The following CPEB4 variants were observed in gnomAD, a reference collection of about 807,000 sequenced individuals.
CPEB4 encodes cytoplasmic polyadenylation element-binding protein 4.
CPEB4 carries 12 observed loss-of-function variants against 72.5 expected under a neutral mutation model. The ratio of observed to expected loss-of-function variants is 0.17; its 90% CI spans 0.11 to 0.27. The LOEUF is 0.27. CPEB4 is among the 10% of genes least tolerant of loss of function. The probability of loss-of-function intolerance (pLI) is 1.00; values close to 1 mark genes in which losing one functional copy is unlikely to be tolerated. For missense variants in CPEB4, 614 were observed against 908.5 expected (o/e 0.68, Z 4.17); for synonymous variants, 302 against 326.3 (o/e 0.93, Z 0.80).
intron 1 of CPEB4, among the ~76,000 whole-genome samples, chr5:173,907,800 G>T (rs1756497036): frequency 1.3e-5 from 2 of 152,216 alleles, no homozygotes; most frequent in Admixed American, 6.5e-5. Flanking sequence ...GAGATCATCT[G>T]CCAGGAAGCT....
At chr5:173,911,272 T>G (rs1756647237) in intron 2 of CPEB4, among the ~76,000 whole-genome samples, 1 of 146,044 alleles carries the variant, frequency 6.8e-6, no homozygotes, top group Non-Finnish European at 1.5e-5. Flanking sequence ...CGGGCTTGCA[T>G]GTTTTTATTT....
intron 5 of CPEB4, among the ~76,000 whole-genome samples, 191 bp downstream of exon 5, chr5:173,945,331 C>A (rs556468821): frequency 8.5e-5 from 13 of 152,226 alleles, no homozygotes; most frequent in African/African-American, 2.6e-4. Flanking sequence ...GCTGTGCAAA[C>A]CAACTAAAGC....
In CPEB4 at chr5:173,918,608, GA is replaced by G. The variant is rs1241853169; in HGVS notation, c.1207+8007del. ...CCTTTCTCCCTCTAGCCTCTGAATGGAAACCAACTCAGTTCAAACTAAATGC... is the reference window on the plus strand; with the variant it reads ...CCTTTCTCCCTCTAGCCTCTGAATGGAACCAACTCAGTTCAAACTAAATGC... On this transcript the variant is annotated intron_variant, in intron 2 of 9. Transcript: ENST00000265085. Among the ~76,000 whole-genome samples, 21 of 152,260 alleles carry G rather than the reference GA, an allele frequency of 1.4e-4. 1 individual carries two copies. The highest frequency in any genetic ancestry group is 4.1e-4 in the African/African-American group (17 of 41,540).
chr5:173,921,207 T>C (rs1757061458), intron 2 of CPEB4, among the ~76,000 whole-genome samples: 1 of 152,224 alleles, frequency 6.6e-6, no homozygotes, highest in African/African-American at 2.4e-5. Context: ...GTTTTTGTTC[T>C]GTTTTACTTA....
chr5:173,912,918 C>CAA (rs397959791), intron 2 of CPEB4, among the ~76,000 whole-genome samples: 1,036 of 88,842 alleles, frequency 0.012, 12 homozygotes, highest in African/African-American at 0.023. Flanking sequence ...GACCCTGTCT[C>CAA]AAAAAAAAAA....
At chr5:173,935,343 C>T (rs907642315) in intron 3 of CPEB4, among the ~76,000 whole-genome samples, 1 of 152,170 alleles carries the variant, frequency 6.6e-6, no homozygotes, top group Non-Finnish European at 1.5e-5. Flanking sequence ...TGTGTCCATG[C>T]AGCCTTTTCT....
intron 1 of CPEB4, among the ~76,000 whole-genome samples, chr5:173,897,960 A>G (rs1212854350): frequency 6.6e-6 from 1 of 152,182 alleles, no homozygotes; most frequent in Non-Finnish European, 1.5e-5. Flanking sequence ...GTCCTGTTAC[A>G]TGCCAAAGAA....
chr5:173,955,478 T>C lies in CPEB4; in HGVS notation c.1963-432T>C, dbSNP rs1483438963. On this transcript the variant is annotated intron_variant, in intron 9 of 9. Coordinates refer to ENST00000265085, the MANE Select transcript of CPEB4 (RefSeq NM_030627.4). The surrounding 1 kb of genome is among the most constrained non-coding windows in gnomAD (Gnocchi z 4.7). ...GTAGTCAGGCATCTTCACACCAACTTGAATATTGAAGTGCAGTTGTGTGGA... is the reference window on the plus strand; with the variant it reads ...GTAGTCAGGCATCTTCACACCAACTCGAATATTGAAGTGCAGTTGTGTGGA... Among the ~76,000 whole-genome samples the C allele has an allele frequency of 6.6e-6, 1 of 152,184 alleles. No individual in the cohort carries two copies. The highest frequency in any genetic ancestry group is 1.5e-5 in the Non-Finnish European group (1 of 68,024).
At chr5:173,920,844 C>T (rs1004550513) in intron 2 of CPEB4, among the ~76,000 whole-genome samples, 17 of 152,162 alleles carry the variant, frequency 1.1e-4, no homozygotes, top group Non-Finnish European at 2.2e-4. Context: ...TGTATAAGGG[C>T]TATAATCAGA....
chr5:173,924,802 A>G (rs561995080), intron 2 of CPEB4, among the ~76,000 whole-genome samples: 91 of 152,300 alleles, frequency 6.0e-4, no homozygotes, highest in African/African-American at 2.1e-3. Context: ...ACTTTGCTTC[A>G]TTCATTTTCC....
chr5:173,909,199 A>G (rs1458121245), intron 1 of CPEB4, among the ~76,000 whole-genome samples: 1 of 152,240 alleles, frequency 6.6e-6, no homozygotes, highest in Admixed American at 6.5e-5. Flanking sequence ...ATTTTAATGC[A>G]ACAAAATCAA....
At chr5:173,945,548 C>A (rs760427262) in intron 5 of CPEB4, among the ~76,000 whole-genome samples, 1 of 152,110 alleles carries the variant, frequency 6.6e-6, no homozygotes, top group African/African-American at 2.4e-5. Context: ...TTAGACTAAG[C>A]ATGAACTTTT....
intron 1 of CPEB4, among the ~76,000 whole-genome samples, chr5:173,904,536 A>G (rs1208657949): frequency 6.6e-6 from 1 of 152,192 alleles, no homozygotes; most frequent in African/African-American, 2.4e-5. Context: ...ATATTTGTAT[A>G]AGTAAAATAT....
chr5:173,899,352 G>A (rs1356625945), intron 1 of CPEB4, among the ~76,000 whole-genome samples: 1 of 152,164 alleles, frequency 6.6e-6, no homozygotes, highest in Non-Finnish European at 1.5e-5. Context: ...TGTGTCTCTA[G>A]AGGAGTCTTT....
At chr5:173,905,008 A>G (rs926629832) in intron 1 of CPEB4, among the ~76,000 whole-genome samples, 5 of 124,918 alleles carry the variant, frequency 4.0e-5, no homozygotes, top group African/African-American at 1.6e-4. Context: ...TAATAATAAT[A>G]ATAATAATAA....
rs945118089 is a variant in CPEB4 at position 173,950,850 on chromosome 5, T to G, written c.1665+772T>G. 6.6e-6 allele frequency among the ~76,000 whole-genome samples: 1 copy of G among 152,226 alleles called. No homozygotes were observed. The highest frequency in any genetic ancestry group is 6.5e-5 in the Admixed American group (1 of 15,282). Reference sequence around the variant, plus strand: ...TGTACAGGTACATTGCATACTGTTTTTTCTTTCTGGAAAAGTTTATCATAA... The same window carrying G: ...TGTACAGGTACATTGCATACTGTTTGTTCTTTCTGGAAAAGTTTATCATAA... On this transcript the variant is annotated intron_variant, in intron 7 of 9. Transcript: ENST00000265085. The surrounding 1 kb of genome is among the most constrained non-coding windows in gnomAD (Gnocchi z 5.0).
intron 2 of CPEB4, among the ~76,000 whole-genome samples, chr5:173,925,369 C>T (rs985623396): frequency 1.3e-5 from 2 of 152,134 alleles, no homozygotes; most frequent in African/African-American, 4.8e-5. Flanking sequence ...TCTGTCTCAG[C>T]CAGTTCCTTC....
Position 173,956,571 on chromosome 5 carries a change from T to C in CPEB4, c.*434T>C, listed in dbSNP as rs1313232084. 3.9e-5 allele frequency: 6 copies of C among 151,938 alleles called. No homozygotes were observed. The highest frequency in any genetic ancestry group is 1.4e-4 in the African/African-American group (6 of 41,474). 9.4% of individuals were successfully genotyped at this position (151,938 alleles called of 1,614,324 possible). On this transcript the variant is annotated 3_prime_UTR_variant, in exon 10 of 10. Coordinates refer to ENST00000265085, the MANE Select transcript of CPEB4 (RefSeq NM_030627.4). ...CACTATCGGTCTATCTGACAGTTTT[T>C]CCCCCAGGGAAGTGCTTTTGCCTTT...
Position 173,956,127 on chromosome 5 carries a change from G to A in CPEB4, c.2180G>A (p.Arg727His). The A allele has an allele frequency of 2.5e-6, 4 of 1,613,680 alleles. No homozygotes were observed. Among genetic ancestry groups the A allele is most frequent in the Non-Finnish European group, 2.5e-6 (3 of 1,179,726 alleles). Reference protein sequence around the residue: ...GGDRPRHISFRWN With the variant: ...GGDRPRHISFHWN ...GACCGCCCTCGGCATATTTCATTCC[G>A]CTGGAACTAAAGGATAACTGCAGTG... The change falls in exon 10 of 10, where the codon CGC (arginine) becomes CAC (histidine). Residue 727 changes from arginine to histidine, a missense_variant. Around this residue, in one of 5 missense-constraint regions of CPEB4, gnomAD observed 101 missense variants for 243.1 expected, o/e 0.42. Coordinates refer to ENST00000265085, the MANE Select transcript of CPEB4 (RefSeq NM_030627.4).
Sources: allele counts gnomAD v4.1 joint callset (sites outside exome capture counted in the v4.1 genomes callset), GRCh38; gene constraint gnomAD v4.1.1; regional missense constraint gnomAD v4.1.1; non-coding constraint Gnocchi (gnomAD v3.1); transcripts MANE v1.5; gene names NCBI Gene and HGNC (gene_info 2026-07-23, HGNC 2026-07-21).